The following KCNN3 variants were observed in gnomAD, a reference collection of about 807,000 sequenced individuals.
KCNN3 encodes potassium calcium-activated channel subfamily N member 3, also known as small conductance calcium-activated potassium channel protein 3.
KCNN3 carries 16 observed loss-of-function variants against 62.9 expected under a neutral mutation model. The observed-to-expected ratio is 0.25, with a 90% CI of 0.17 to 0.39. The LOEUF (loss-of-function observed/expected upper bound fraction) is 0.39. Ranked by LOEUF, KCNN3 falls within the 10% of genes least tolerant of loss-of-function variation. The probability of loss-of-function intolerance (pLI) is 1.00; values close to 1 mark genes in which losing one functional copy is unlikely to be tolerated. For missense variants in KCNN3, 599 were observed against 949.4 expected, an observed-to-expected ratio of 0.63 and a Z score of 4.85; for synonymous variants, 370 against 389.2, an observed-to-expected ratio of 0.95 and a Z score of 0.58.
chr1:154,869,770 C>G lies in KCNN3; in HGVS notation c.195G>C (p.Gln65His). 1 of 1,520,378 alleles carries G rather than the reference C, an allele frequency of 6.6e-7. No individual in the cohort carries two copies. The highest frequency in any genetic ancestry group is 8.9e-7 in the Non-Finnish European group (1 of 1,127,140). The allele number at this position is 1,520,378 out of a possible 1,614,324, so 94.2% of individuals were successfully genotyped here. A position where few individuals can be genotyped will look rare whatever the true frequency, so the allele number is the denominator to read the frequency against. Residue 65 changes from glutamine to histidine, a missense_variant, in exon 1 of 8, where the codon CAG becomes CAC. Around this residue, in one of 7 missense-constraint regions of KCNN3, gnomAD observed 7 missense variants for 32.0 expected, o/e 0.22. Coordinates refer to ENST00000271915, the MANE Select transcript of KCNN3 (RefSeq NM_002249.6). The surrounding 1 kb of genome is among the most constrained non-coding windows in gnomAD (Gnocchi z 6.1). ...LGPSLQPQPP[Q>H]LQQQQQQQQQ... is the part of the protein sequence containing the mutation. ...GCTGCTGCTGCTGCTGCTGCTGAAG[C>G]TGCGGAGGCTGAGGCTGCAGCGAGG...
intron 1 of KCNN3, among the ~76,000 whole-genome samples, chr1:154,860,907 G>A (rs906255158): frequency 6.6e-6 from 1 of 151,100 alleles, no homozygotes; most frequent in African/African-American, 2.4e-5. Flanking sequence ...TAGGCTTTGG[G>A]TTCAGTAAGT....
intron 4 of KCNN3, among the ~76,000 whole-genome samples, chr1:154,732,684 G>T (rs1700622062): frequency 6.6e-6 from 1 of 152,220 alleles, no homozygotes; most frequent in African/African-American, 2.4e-5. Context: ...CAAACTGGGT[G>T]GCTGCACAGC....
chr1:154,721,932 G>A (rs1700358603), intron 5 of KCNN3, among the ~76,000 whole-genome samples: 1 of 151,588 alleles, frequency 6.6e-6, no homozygotes. Flanking sequence ...AAGTCAGTGT[G>A]GGAAGATCTG....
chr1:154,788,591 G>A (rs1465537773), intron 2 of KCNN3, among the ~76,000 whole-genome samples: 3 of 152,034 alleles, frequency 2.0e-5, no homozygotes, highest in African/African-American at 7.2e-5. Flanking sequence ...TCATTTTCAT[G>A]AAGATTACCA....
chr1:154,767,924 T>C (rs1460199355), intron 3 of KCNN3, among the ~76,000 whole-genome samples: 2 of 152,188 alleles, frequency 1.3e-5, no homozygotes, highest in African/African-American at 4.8e-5. Context: ...CAACCCAAGA[T>C]ATGAGAACTG....
intron 3 of KCNN3, among the ~76,000 whole-genome samples, chr1:154,747,955 G>A (rs942563925): frequency 1.3e-4 from 20 of 152,138 alleles, no homozygotes; most frequent in Non-Finnish European, 2.2e-4. Context: ...AAGCCGTCCC[G>A]GATCAAGTGC....
chr1:154,840,256 G>C (rs1651772979), intron 1 of KCNN3, among the ~76,000 whole-genome samples: 3 of 152,182 alleles, frequency 2.0e-5, no homozygotes, highest in Non-Finnish European at 4.4e-5. Flanking sequence ...TGATTGGTTA[G>C]AGATTCAAAA....
chr1:154,783,967 C>T (rs11264261), intron 2 of KCNN3, among the ~76,000 whole-genome samples: 10 of 151,982 alleles, frequency 6.6e-5, no homozygotes, highest in African/African-American at 1.9e-4. Flanking sequence ...GTGCCTAAAG[C>T]GGTTACTAAG....
rs1473309735 is a variant in KCNN3, at chr1:154,701,944, CTT to C, written c.*6030_*6031del. The stretch of plus-strand genomic sequence containing the variant: ...GAAAACTGGTTGGCTAGGTTTGAGA[CTT>C]ATATAATTTATGTAATGAGGCCTTT... On this transcript the variant is annotated 3_prime_UTR_variant, in exon 8 of 8. Transcript: ENST00000271915. 1 of 152,118 alleles carries C rather than the reference CTT, an allele frequency of 6.6e-6. No homozygotes were observed. The highest frequency in any genetic ancestry group is 1.5e-5 in the Non-Finnish European group (1 of 68,024). 9.4% of individuals were successfully genotyped at this position (152,118 alleles called of 1,614,324 possible). A position where few individuals can be genotyped will look rare whatever the true frequency, so the allele number is the denominator to read the frequency against.
intron 7 of KCNN3, among the ~76,000 whole-genome samples, chr1:154,711,226 A>T (rs1350994637): frequency 1.3e-5 from 2 of 150,844 alleles, no homozygotes; most frequent in African/African-American, 2.4e-5. Flanking sequence ...CATCATTCTC[A>T]GCAAACTATC....
intron 1 of KCNN3, among the ~76,000 whole-genome samples, chr1:154,841,417 A>G (rs773445276): frequency 1.3e-5 from 2 of 152,196 alleles, no homozygotes; most frequent in Non-Finnish European, 2.9e-5. Context: ...CAGGGCAGTG[A>G]CATCAGGTCA....
At chr1:154,783,180 T>C (rs1191565350) in intron 2 of KCNN3, among the ~76,000 whole-genome samples, 1 of 148,266 alleles carries the variant, frequency 6.7e-6, no homozygotes, top group Non-Finnish European at 1.5e-5. Flanking sequence ...ACCACTGTAC[T>C]CCAGCCTGGG....
At chr1:154,813,510 C>T (rs765703744) in intron 2 of KCNN3, among the ~76,000 whole-genome samples, 1 of 152,122 alleles carries the variant, frequency 6.6e-6, no homozygotes, top group Admixed American at 6.5e-5. Flanking sequence ...GGACTCTTCC[C>T]GAAACCAGTC....
At chr1:154,754,498 C>T (rs931072827) in intron 3 of KCNN3, among the ~76,000 whole-genome samples, 26 of 152,296 alleles carry the variant, frequency 1.7e-4, no homozygotes, top group Admixed American at 6.5e-4. Context: ...TACATTTTCC[C>T]GCCATGTGAA....
intron 2 of KCNN3, among the ~76,000 whole-genome samples, chr1:154,812,193 C>T (rs556358934): frequency 2.6e-4 from 40 of 152,244 alleles, no homozygotes; most frequent in African/African-American, 8.9e-4. Context: ...CCAAATAGAA[C>T]GGATTAACTT....
At chr1:154,715,822 TCAGAGAGTAAA>T (rs942973261) in intron 5 of KCNN3, among the ~76,000 whole-genome samples, 2 of 149,258 alleles carry the variant, frequency 1.3e-5, no homozygotes, top group African/African-American at 4.8e-5. Flanking sequence ...TTGCTTGGGT[TCAGAGAGTAAA>T]CAGATTTCCT....
intron 1 of KCNN3, among the ~76,000 whole-genome samples, chr1:154,854,719 G>GA (rs1213904269): frequency 6.6e-6 from 1 of 152,152 alleles, no homozygotes; most frequent in African/African-American, 2.4e-5. Flanking sequence ...ACATCTTGAT[G>GA]ATCCTGAACC....
chr1:154,781,772 T>G (rs1187672900), intron 2 of KCNN3, among the ~76,000 whole-genome samples: 1 of 152,202 alleles, frequency 6.6e-6, no homozygotes, highest in African/African-American at 2.4e-5. Context: ...CCCCATTATG[T>G]GACAGTCCTT....
intron 2 of KCNN3, among the ~76,000 whole-genome samples, chr1:154,805,271 C>T (rs574939809): frequency 6.6e-6 from 1 of 152,244 alleles, no homozygotes; most frequent in Admixed American, 6.5e-5. Context: ...TGGCTGTGGC[C>T]ATGGGTTAGT....
Sources: gnomAD v4.1 joint callset for allele counts (sites outside exome capture counted in the v4.1 genomes callset) on GRCh38, gnomAD v4.1.1 for gene constraint, gnomAD v4.1.1 regional missense constraint, Gnocchi (gnomAD v3.1) non-coding constraint, MANE v1.5 for transcripts, NCBI Gene and HGNC (gene_info 2026-07-23, HGNC 2026-07-21) for gene names.